ZNF319: variants seen among roughly 807,000 people sequenced by gnomAD.
ZNF319 encodes zinc finger protein 319.
In ZNF319, 15 loss-of-function variants were observed where a neutral mutation model predicts 46.0. That is an observed-to-expected ratio of 0.33 (90% CI 0.22 to 0.50). The LOEUF is 0.50. ZNF319 is among the 20% of genes least tolerant of loss of function. The pLI, the probability that ZNF319 is intolerant of heterozygous loss-of-function variation, is 0.98. For missense variants in ZNF319, 635 were observed against 807.0 expected, an observed-to-expected ratio of 0.79 and a Z score of 2.58; for synonymous variants, 368 against 364.0, an observed-to-expected ratio of 1.01 and a Z score of -0.13.
At position 58,000,144 on chromosome 16, in the gene ZNF319, C is replaced by T. The variant is rs1372820009; in HGVS notation, c.-909G>A. On this transcript the variant is annotated 5_prime_UTR_variant, in exon 1 of 2. Coordinates refer to ENST00000299237, the MANE Select transcript of ZNF319 (RefSeq NM_020807.3). The surrounding 1 kb of genome is among the most constrained non-coding windows in gnomAD (Gnocchi z 4.5). ...GCCCAGCTGGGCTGCGTCCTGTCAG[C>T]CCTCGTCCGGGATGGCCCGGCCGCT... 6.6e-6 allele frequency among the ~76,000 whole-genome samples: 1 copy of T among 152,174 alleles called. No individual in the cohort carries two copies. Among genetic ancestry groups the T allele is most frequent in the East Asian group, 1.9e-4 (1 of 5,192 alleles).
chr16:57,999,344 C>T (rs1963102335), intron 1 of ZNF319, 149 bp downstream of exon 1: 1 of 152,476 alleles, frequency 6.6e-6, no homozygotes, highest in Admixed American at 6.5e-5. Flanking sequence ...CCTGGTCTGC[C>T]TTGGCAATGC....
In ZNF319 at chr16:57,997,458, G is replaced by A; in HGVS notation, c.808C>T (p.Arg270Cys). 2 of 1,613,384 alleles carry A rather than the reference G, an allele frequency of 1.2e-6. No homozygotes were observed. The highest frequency in any genetic ancestry group is 2.2e-5 in the East Asian group (1 of 44,840). Residue 270 changes from arginine (R) to cysteine (C), a missense_variant, in exon 2 of 2, where the codon CGC becomes TGC. Transcript: ENST00000299237. Reference protein sequence around the residue: ...CAVCEKTFKHRSHLVRHMYAH... With the variant: ...CAVCEKTFKHCSHLVRHMYAH... ...TACATGTGGCGCACCAGGTGAGAGC[G>A]GTGCTTGAAGGTCTTCTCGCAGACT...
In ZNF319 at chr16:57,998,284, G is replaced by C. The variant is rs368776976; in HGVS notation, c.-19C>G. On this transcript the variant is annotated 5_prime_UTR_variant, in exon 2 of 2. Transcript: ENST00000299237. The stretch of plus-strand genomic sequence containing the variant: ...CCGACATGCTTGGGAAGATGAAACA[G>C]GGTTTGGAGAGTAATGGCTTCAGTT... The C allele has an allele frequency of 6.6e-7, 1 of 1,515,206 alleles. No individual in the cohort carries two copies. The highest frequency in any genetic ancestry group is 1.4e-5 in the African/African-American group (1 of 71,602). 93.9% of individuals were successfully genotyped at this position (1,515,206 alleles called of 1,614,324 possible). A position where few individuals can be genotyped will look rare whatever the true frequency, so the allele number is the denominator to read the frequency against.
Position 57,996,835 on chromosome 16 carries a change from G to A in ZNF319, c.1431C>T (p.Arg477=), listed in dbSNP as rs201390082. The A allele has an allele frequency of 4.4e-6, 7 of 1,607,052 alleles. No individual in the cohort carries two copies. The highest frequency in any genetic ancestry group is 5.9e-6 in the Non-Finnish European group (7 of 1,178,614). Residue 477 remains arginine (R), a synonymous_variant, in exon 2 of 2, where the codon CGC becomes CGT. Transcript: ENST00000299237. ...GTGGCTTCTCGCGGGCCGGATCGCA[G>A]CGGTGCTGCACGAACTCGGAAGAGG... ...FFSSSEFVQH[R]CDPAREKPLK...
In ZNF319 at chr16:57,998,478, G is replaced by GCC; in HGVS notation, c.-214_-213insGG. On this transcript the variant is annotated 5_prime_UTR_variant, in exon 2 of 2. The change creates a premature stop within an existing upstream ORF in the 5' untranslated region. Coordinates refer to ENST00000299237, the MANE Select transcript of ZNF319 (RefSeq NM_020807.3). The stretch of plus-strand genomic sequence containing the variant: ...GGACATGGGGGCTCTTCAAGGGAGG[G>GCC]TCCCAGCAGTGCCGGGGAGACTCTG... 1.6e-6 allele frequency: 1 copy of GCC among 633,686 alleles called. No homozygotes were observed. Among genetic ancestry groups the GCC allele is most frequent in the Non-Finnish European group, 2.5e-6 (1 of 392,832 alleles). The allele number at this position is 633,686 out of a possible 1,614,324, so 39.3% of individuals were successfully genotyped here.
rs1567412720 is a variant in ZNF319, at chr16:57,997,606, A to ATGCC, written c.656_659dup (p.His220GlnfsTer3). The ATGCC allele has an allele frequency of 6.2e-7, 1 of 1,614,046 alleles. No individual in the cohort carries two copies. The highest frequency in any genetic ancestry group is 1.1e-5 in the South Asian group (1 of 91,078). On this transcript the variant is annotated frameshift_variant, in exon 2 of 2. Coordinates refer to ENST00000299237, the MANE Select transcript of ZNF319 (RefSeq NM_020807.3). LOFTEE classifies it high-confidence loss of function. ...GCTTCTCACCGGTGTGGATCCGCTC[A>ATGCC]TGCCGAGAGAGCTCCGACAGGTGCT...
chr16:57,997,733 G>C lies in ZNF319; in HGVS notation c.533C>G (p.Thr178Arg). 2 of 1,613,580 alleles carry C rather than the reference G, an allele frequency of 1.2e-6. No individual in the cohort carries two copies. Among genetic ancestry groups the C allele is most frequent in the Non-Finnish European group, 1.7e-6 (2 of 1,180,042 alleles). The change falls in exon 2 of 2, where the codon ACA (threonine) becomes AGA (arginine). Residue 178 changes from threonine (T) to arginine (R), a missense_variant. Physicochemically the swap from Thr to Arg is moderately conservative, Grantham distance 71. This residue lies in a region of ZNF319 where 227 missense variants were observed against 277.5 expected (regional missense o/e 0.82). Transcript: ENST00000299237. The stretch of plus-strand genomic sequence containing the variant: ...TGCTGCGGGAAGCGACGGGGCGGCT[G>C]TGGTGGCTGGCTCCGCTGCCTCAGC... ...KPAEAAEPAT[T>R]AAPSLPAAPA...
chr16:57,998,362 G>A lies in ZNF319; in HGVS notation c.-97C>T, dbSNP rs73546944. The A allele has an allele frequency of 9.2e-4, 1,378 of 1,505,922 alleles. 12 individuals carry two copies. In the African/African-American group the frequency reaches 0.017, roughly 18 times the overall value. 93.3% of individuals were successfully genotyped at this position (1,505,922 alleles called of 1,614,324 possible). A position where few individuals can be genotyped will look rare whatever the true frequency, so the allele number is the denominator to read the frequency against. ...AGAGAAGCTGCCCAATCACAGAGAT[G>A]GACAAGGACCTCAGACAAGGCACAG... On this transcript the variant is annotated 5_prime_UTR_variant, in exon 2 of 2. Coordinates refer to ENST00000299237, the MANE Select transcript of ZNF319 (RefSeq NM_020807.3).
At position 57,997,129 on chromosome 16, in the gene ZNF319, G is replaced by C. The variant is rs370447860; in HGVS notation, c.1137C>G (p.Gly379=). 1.2e-6 allele frequency: 2 copies of C among 1,614,136 alleles called. No homozygotes were observed. Among genetic ancestry groups the C allele is most frequent in the Non-Finnish European group, 8.5e-7 (1 of 1,180,004 alleles). Residue 379 remains glycine, a synonymous_variant, in exon 2 of 2, where the codon GGC becomes GGG. Transcript: ENST00000299237. ...AGAGCAGGTGGCTGGGCTGCCCAAA[G>C]CCCTTCTCACATAGGCCGCATTTGA... The part of the protein sequence containing the change: ...EPFKCGLCEK[G]FGQPSHLLYH...
chr16:57,996,870 GGCGTTCGCAAAGCGTGCA>G lies in ZNF319; in HGVS notation c.1378_1395del (p.Cys460_Arg465del). The G allele has an allele frequency of 6.2e-7, 1 of 1,603,286 alleles. No homozygotes were observed. The highest frequency in any genetic ancestry group is 8.5e-7 in the Non-Finnish European group (1 of 1,178,524). ...ACGAACTCGGAAGAGGAGAAGAAGCGGCGTTCGCAAAGCGTGCAGCGCAGGGGCTTCTCTGCCGCCGCA... is the reference window on the plus strand; with the variant it reads ...ACGAACTCGGAAGAGGAGAAGAAGCGGCGCAGGGGCTTCTCTGCCGCCGCA... On this transcript the variant is annotated inframe_deletion, in exon 2 of 2. Coordinates refer to ENST00000299237, the MANE Select transcript of ZNF319 (RefSeq NM_020807.3).
rs1473412524 is a variant in ZNF319, at chr16:57,998,370, A to T, written c.-105T>A. 1.3e-6 allele frequency: 2 copies of T among 1,501,758 alleles called. No individual in the cohort carries two copies. The highest frequency in any genetic ancestry group is 1.8e-6 in the Non-Finnish European group (2 of 1,125,102). 93.0% of individuals were successfully genotyped at this position (1,501,758 alleles called of 1,614,324 possible). On this transcript the variant is annotated 5_prime_UTR_variant, in exon 2 of 2. Transcript: ENST00000299237. ...TGCCCAATCACAGAGATGGACAAGG[A>T]CCTCAGACAAGGCACAGAAGAGGGG...
Position 57,996,799 on chromosome 16 carries a change from T to C in ZNF319, c.1467A>G (p.Pro489=). 1.9e-6 allele frequency: 3 copies of C among 1,611,106 alleles called. No homozygotes were observed. Among genetic ancestry groups the C allele is most frequent in the Non-Finnish European group, 2.5e-6 (3 of 1,179,196 alleles). ...CGTACTTGAAGCGTTTCTCGCAGTC[T>C]GGGCACTTGAGTGGCTTCTCGCGGG... ...DPAREKPLKC[P]DCEKRFKYAS... Residue 489 remains proline, a synonymous_variant, in exon 2 of 2, where the codon CCA becomes CCG. Coordinates refer to ENST00000299237, the MANE Select transcript of ZNF319 (RefSeq NM_020807.3).
chr16:57,998,123 G>A lies in ZNF319; in HGVS notation c.143C>T (p.Ala48Val). The change falls in exon 2 of 2, where the codon GCC becomes GTC. Residue 48 changes from alanine to valine, a missense_variant. Physicochemically the swap from Ala to Val is moderately conservative, Grantham distance 64. Coordinates refer to ENST00000299237, the MANE Select transcript of ZNF319 (RefSeq NM_020807.3). ...TGGCTGCAGGAGGATGCCATAGACG[G>A]CACAGCCCAGGGGGTTCTCCGCCGT... ...PGTAENPLGC[A>V]VYGILLQPDP... 1.2e-6 allele frequency: 2 copies of A among 1,603,576 alleles called. No individual in the cohort carries two copies.
At position 57,996,852 on chromosome 16, in the gene ZNF319, C is replaced by T. The variant is rs958991378; in HGVS notation, c.1414G>A (p.Glu472Lys). The T allele has an allele frequency of 1.9e-6, 3 of 1,605,036 alleles. No homozygotes were observed. Among genetic ancestry groups the T allele is most frequent in the Admixed American group, 1.7e-5 (1 of 59,114 alleles). Residue 472 changes from glutamate (E) to lysine (K), a missense_variant, in exon 2 of 2, where the codon GAG becomes AAG. Glu to Lys is a moderately conservative substitution (Grantham distance 56). Around this residue, in one of 3 missense-constraint regions of ZNF319, gnomAD observed 270 missense variants for 281.4 expected, o/e 0.96. Transcript: ENST00000299237. ...GGATCGCAGCGGTGCTGCACGAACT[C>T]GGAAGAGGAGAAGAAGCGGCGTTCG... Reference protein sequence around the residue: ...LCERRFFSSSEFVQHRCDPAR... With the variant: ...LCERRFFSSSKFVQHRCDPAR...
At chr16:57,999,239 T>TCTCA (rs71385143) in intron 1 of ZNF319, among the ~76,000 whole-genome samples, 10 of 145,662 alleles carry the variant, frequency 6.9e-5, no homozygotes, top group Non-Finnish European at 1.5e-4. Context: ...CTCCCAGAAC[T>TCTCA]CACACACACA....
chr16:57,997,325 G>C lies in ZNF319; in HGVS notation c.941C>G (p.Pro314Arg). 1 of 1,611,356 alleles carries C rather than the reference G, an allele frequency of 6.2e-7. No homozygotes were observed. Among genetic ancestry groups the C allele is most frequent in the African/African-American group, 1.3e-5 (1 of 75,020 alleles). Reference sequence around the variant, plus strand: ...CTTCTGGCACTCGCCGCAGCGGAAGGGCCGCTCCCCACTTGGCGTGCACGG... The same window carrying C: ...CTTCTGGCACTCGCCGCAGCGGAAGCGCCGCTCCCCACTTGGCGTGCACGG... ...QHPCTPSGER[P>R]FRCGECQKAF... The change falls in exon 2 of 2, where the codon CCC becomes CGC. Residue 314 changes from proline (P) to arginine (R), a missense_variant. Around this residue, in one of 3 missense-constraint regions of ZNF319, gnomAD observed 138 missense variants for 248.0 expected, o/e 0.56. Coordinates refer to ENST00000299237, the MANE Select transcript of ZNF319 (RefSeq NM_020807.3).
At chr16:57,998,939 A>G (rs886858790) in intron 1 of ZNF319, among the ~76,000 whole-genome samples, 3 of 152,066 alleles carry the variant, frequency 2.0e-5, no homozygotes, top group African/African-American at 7.2e-5. Flanking sequence ...CACCACTTAG[A>G]GCTAAGGAGG....
rs369505464 is a variant in ZNF319 at position 57,996,773 on chromosome 16, G to A, written c.1493C>T (p.Ala498Val). Residue 498 changes from alanine (A) to valine (V), a missense_variant, in exon 2 of 2, where the codon GCG becomes GTG. Ala to Val is a moderately conservative substitution (Grantham distance 64). Transcript: ENST00000299237. ...CPDCEKRFKY[A>V]SDLQRHRRVH... ...CCGCCGGTGCCGCTGCAGGTCTGACGCGTACTTGAAGCGTTTCTCGCAGTC... is the reference window on the plus strand; with the variant it reads ...CCGCCGGTGCCGCTGCAGGTCTGACACGTACTTGAAGCGTTTCTCGCAGTC... 6.2e-6 allele frequency: 10 copies of A among 1,611,876 alleles called. No homozygotes were observed. The highest frequency in any genetic ancestry group is 7.6e-6 in the Non-Finnish European group (9 of 1,179,368).
chr16:57,999,274 A>ACACACACAC (rs1224745413), intron 1 of ZNF319, among the ~76,000 whole-genome samples: 3 of 78,460 alleles, frequency 3.8e-5, no homozygotes, highest in South Asian at 9.9e-4. Context: ...CACACACACA[A>ACACACACAC]AGTCCTAAAT....
Sources: gnomAD v4.1 joint callset for allele counts (sites outside exome capture counted in the v4.1 genomes callset) on GRCh38, gnomAD v4.1.1 for gene constraint, gnomAD v4.1.1 regional missense constraint, Gnocchi (gnomAD v3.1) non-coding constraint, MANE v1.5 for transcripts, NCBI Gene and HGNC (gene_info 2026-07-23, HGNC 2026-07-21) for gene names.